Variants in MEGF11 observed in about 807,000 individuals in gnomAD.
MEGF11 encodes multiple epidermal growth factor-like domains protein 11.
MEGF11 carries 126 observed loss-of-function variants against 146.6 expected under a neutral mutation model. The observed-to-expected ratio is 0.86, with a 90% CI of 0.74 to 1.00. MEGF11 has a LOEUF of 1.00. Ranked by LOEUF, MEGF11 falls within the 50% of genes least tolerant of loss-of-function variation. MEGF11 has a pLI of 0.00. For missense variants in MEGF11, 1,509 were observed against 1,521.2 expected (o/e 0.99, Z 0.13); for synonymous variants, 532 against 583.4 (o/e 0.91, Z 1.27).
intron 15 of MEGF11, among the ~76,000 whole-genome samples, chr15:65,919,671 C>T (rs2079113930): frequency 6.6e-6 from 1 of 152,196 alleles, no homozygotes; most frequent in Non-Finnish European, 1.5e-5. Flanking sequence ...CGCTACGTTG[C>T]CCAGGCCGGA....
At chr15:65,915,362 G>GT in intron 19 of MEGF11, 108 bp downstream of exon 19, 1 of 1,411,186 alleles carries the variant, frequency 7.1e-7, no homozygotes, top group African/African-American at 1.4e-5. Context: ...CCTCACAAAT[G>GT]TGAATAAAGG....
chr15:66,191,624 G>T (rs907106607), intron 1 of MEGF11, among the ~76,000 whole-genome samples: 21 of 152,194 alleles, frequency 1.4e-4, no homozygotes, highest in African/African-American at 5.1e-4. Flanking sequence ...GCGATGAGGG[G>T]TGACCAGTTG....
chr15:65,976,863 G>C (rs1596941894), intron 7 of MEGF11, among the ~76,000 whole-genome samples: 1 of 152,286 alleles, frequency 6.6e-6, no homozygotes, highest in Non-Finnish European at 1.5e-5. Flanking sequence ...ACTTTAAGAG[G>C]ATCTTGGCGG....
intron 5 of MEGF11, among the ~76,000 whole-genome samples, chr15:66,077,252 C>T (rs1304666882): frequency 5.9e-5 from 9 of 152,208 alleles, no homozygotes; most frequent in African/African-American, 4.8e-5. Flanking sequence ...GCCTGGAGCA[C>T]CCTCTCTTTC....
intron 4 of MEGF11, among the ~76,000 whole-genome samples, chr15:66,100,079 G>GC (rs1555470666): frequency 4.0e-4 from 47 of 117,820 alleles, no homozygotes; most frequent in Non-Finnish European, 9.5e-4. Context: ...GTTGCGCTTT[G>GC]GGGGGGAAAT....
intron 5 of MEGF11, among the ~76,000 whole-genome samples, chr15:66,054,975 G>A (rs764562057): frequency 3.3e-5 from 5 of 152,296 alleles, no homozygotes; most frequent in South Asian, 2.1e-4. Context: ...TCTAGAAGCC[G>A]GCAGTAAATT....
intron 1 of MEGF11, among the ~76,000 whole-genome samples, chr15:66,182,717 T>G (rs987849127): frequency 1.1e-4 from 16 of 152,176 alleles, no homozygotes; most frequent in African/African-American, 3.9e-4. Context: ...ACTATTCAGA[T>G]CTTCTGCCTG....
intron 4 of MEGF11, 74 bp from the exon 5 acceptor site, chr15:66,094,568 A>G (rs572493792): frequency 7.5e-7 from 1 of 1,340,898 alleles, no homozygotes; most frequent in South Asian, 1.3e-5. Context: ...AAGGAGCATA[A>G]TCCATTTTGT....
At chr15:66,095,038 G>C (rs940938477) in intron 4 of MEGF11, among the ~76,000 whole-genome samples, 1 of 152,114 alleles carries the variant, frequency 6.6e-6, no homozygotes, top group Non-Finnish European at 1.5e-5. Flanking sequence ...CACACATGCA[G>C]AGGAAAAAAG....
intron 17 of MEGF11, 106 bp from the exon 18 acceptor site, chr15:65,916,382 T>C: frequency 7.5e-7 from 1 of 1,339,288 alleles, no homozygotes; most frequent in Non-Finnish European, 1.0e-6. Context: ...GAGCATGGGA[T>C]GAAGACTAGT....
chr15:66,122,506 A>G (rs2088083623), intron 3 of MEGF11, among the ~76,000 whole-genome samples: 1 of 152,222 alleles, frequency 6.6e-6, no homozygotes, highest in Non-Finnish European at 1.5e-5. Flanking sequence ...TCAAAGAGGA[A>G]CTGGGCTCAT....
intron 5 of MEGF11, among the ~76,000 whole-genome samples, chr15:65,984,525 CAAAA>C (rs35017296): frequency 7.1e-3 from 349 of 49,482 alleles, no homozygotes; most frequent in African/African-American, 0.029. Context: ...GACTCCGTGT[CAAAA>C]AAAAAAAAAA....
intron 10 of MEGF11, among the ~76,000 whole-genome samples, chr15:65,948,918 AG>A (rs2080294030): frequency 6.6e-5 from 10 of 152,168 alleles, no homozygotes; most frequent in Admixed American, 6.5e-4. Flanking sequence ...TGGCAGCTAG[AG>A]GATGAATTCC....
intron 1 of MEGF11, among the ~76,000 whole-genome samples, chr15:66,168,105 T>C (rs2090149587): frequency 6.6e-6 from 1 of 152,062 alleles, no homozygotes; most frequent in African/African-American, 2.4e-5. Context: ...ATGCTCACGG[T>C]GCATTCCAGT....
rs145930760 is a variant in MEGF11, at chr15:66,188,944, C to T, written c.-8-60533G>A. 3.8e-3 allele frequency among the ~76,000 whole-genome samples: 576 copies of T among 152,294 alleles called. 4 individuals are homozygous for T. The highest frequency in any genetic ancestry group is 0.013 in the African/African-American group (535 of 41,550). On this transcript the variant is annotated intron_variant, in intron 1 of 25. Coordinates refer to ENST00000395614, the MANE Select transcript of MEGF11 (RefSeq NM_001385028.1). ...CCAGTCAGCAGATTTTGCCTCCTACCTTCGCCTTACAATCTGTGATGATTC... is the reference window on the plus strand; with the variant it reads ...CCAGTCAGCAGATTTTGCCTCCTACTTTCGCCTTACAATCTGTGATGATTC...
chr15:66,079,591 A>G (rs1272947616), intron 5 of MEGF11, among the ~76,000 whole-genome samples: 1 of 134,098 alleles, frequency 7.5e-6, no homozygotes, highest in Non-Finnish European at 1.5e-5. Flanking sequence ...CTGTACAGCC[A>G]GTGTTCCACC....
At chr15:66,167,195 A>T (rs982850577) in intron 1 of MEGF11, among the ~76,000 whole-genome samples, 12 of 152,300 alleles carry the variant, frequency 7.9e-5, no homozygotes, top group Admixed American at 5.2e-4. Context: ...CCCTGGGGGT[A>T]AAGAAAGAAA....
chr15:65,957,608 C>A lies in MEGF11; in HGVS notation c.1226G>T (p.Cys409Phe), dbSNP rs146242658. ...YGDGCQLPCT[C>F]QNGADCHSIT... ...GCTGTGGCAGTCGGCGCCATTCTGACAGGTGCAAGGCAGCTGGCAGCCATC... is the reference window on the plus strand; with the variant it reads ...GCTGTGGCAGTCGGCGCCATTCTGAAAGGTGCAAGGCAGCTGGCAGCCATC... Residue 409 changes from cysteine (C) to phenylalanine (F), a missense_variant, in exon 10 of 26, where the codon TGT (cysteine) becomes TTT (phenylalanine). Coordinates refer to ENST00000395614, the MANE Select transcript of MEGF11 (RefSeq NM_001385028.1). The A allele has an allele frequency of 1.9e-6, 3 of 1,613,982 alleles. No individual in the cohort carries two copies. The highest frequency in any genetic ancestry group is 2.5e-6 in the Non-Finnish European group (3 of 1,179,894).
chr15:66,089,042 A>G (rs2086221736), intron 5 of MEGF11, among the ~76,000 whole-genome samples: 1 of 152,262 alleles, frequency 6.6e-6, no homozygotes, highest in African/African-American at 2.4e-5. Context: ...TTTGTAGCCA[A>G]CACTTAGTTT....
Sources: gnomAD v4.1 joint callset for allele counts (sites outside exome capture counted in the v4.1 genomes callset) on GRCh38, gnomAD v4.1.1 for gene constraint, MANE v1.5 for transcripts, NCBI Gene and HGNC (gene_info 2026-07-23, HGNC 2026-07-21) for gene names.